Variants in NOX4 observed in about 807,000 individuals in gnomAD.
NOX4 encodes the protein kidney oxidase-1.
Under a neutral mutation model 87.6 loss-of-function variants are expected in NOX4, and 69 were observed. The ratio of observed to expected loss-of-function variants is 0.79; its 90% confidence interval spans 0.65 to 0.96. The LOEUF is 0.96. Among genes scored for constraint, NOX4 ranks in the 40% least tolerant of loss-of-function variants. The pLI is 0.00. For missense variants in NOX4, 680 were observed against 681.5 expected, an observed-to-expected ratio of 1.00 and a Z score of 0.02; for synonymous variants, 275 against 238.2, an observed-to-expected ratio of 1.15 and a Z score of -1.42.
chr11:89,534,368 C>T, the NOX4 span, among the ~76,000 whole-genome samples: 2 of 152,294 alleles, frequency 1.3e-5, no homozygotes, highest in East Asian at 3.9e-4. Flanking sequence ...TTCTGAGTCA[C>T]AATATTTTTT....
upstream of NOX4, among the ~76,000 whole-genome samples, chr11:89,493,052 A>AG (rs1946898770): frequency 6.6e-6 from 1 of 152,218 alleles, no homozygotes; most frequent in South Asian, 2.1e-4. Flanking sequence ...CCATTCTCAT[A>AG]GTAGCCCTCC....
At chr11:89,394,796 T>G (rs1467050631) in intron 11 of NOX4, among the ~76,000 whole-genome samples, 3 of 152,200 alleles carry the variant, frequency 2.0e-5, no homozygotes, top group Non-Finnish European at 4.4e-5. Flanking sequence ...AATGATGGTT[T>G]CCAGCTTCAT....
chr11:89,487,199 T>C (rs1946663480), intron 2 of NOX4, among the ~76,000 whole-genome samples: 1 of 152,170 alleles, frequency 6.6e-6, no homozygotes, highest in Non-Finnish European at 1.5e-5. Flanking sequence ...TTAAAAGGTA[T>C]TTCAGCGAGT....
chr11:89,491,210 C>T lies in NOX4; in HGVS notation c.37G>A (p.Gly13Arg), dbSNP rs1285754035. The change falls in exon 1 of 18, where the codon GGG becomes AGG. Residue 13 changes from glycine to arginine, a missense_variant. By Grantham distance (125) the Gly-to-Arg change is moderately radical. Transcript: ENST00000263317. ...CCTACCAGGCAGAGGTGTTTAACCC[C>T]TTCGTTGGCGAGCCAGCTCCTCCAG... is the stretch of plus-strand genomic sequence containing the variant. ...VSWRSWLANE[G>R]VKHLCLFIWL... 3 of 1,613,864 alleles carry T rather than the reference C, an allele frequency of 1.9e-6. No homozygotes were observed. Among genetic ancestry groups the T allele is most frequent in the African/African-American group, 2.7e-5 (2 of 75,062 alleles).
chr11:89,370,569 G>A (rs1191689705), intron 12 of NOX4, among the ~76,000 whole-genome samples: 2 of 152,024 alleles, frequency 1.3e-5, no homozygotes, highest in Non-Finnish European at 2.9e-5. Flanking sequence ...CCATATGTTT[G>A]AAACTGGAAA....
In NOX4 at chr11:89,400,335, T is replaced by C. The variant is rs1435105548; in HGVS notation, c.891A>G (p.Glu297=). 2 of 1,612,620 alleles carry C rather than the reference T, an allele frequency of 1.2e-6. No homozygotes were observed. The change falls in exon 10 of 18, where the codon GAA becomes GAG. Residue 297 remains glutamate (E), a synonymous_variant. Coordinates refer to ENST00000263317, the MANE Select transcript of NOX4 (RefSeq NM_016931.5). ...TGCTCCGGATATACCTGTAAAGTCT[T>C]TCGGCACAGTACAGGCACAAAGGTC... is the stretch of plus-strand genomic sequence containing the variant. ...ISGPLCLYCA[E]RLYRYIRSNK...
intron 11 of NOX4, among the ~76,000 whole-genome samples, chr11:89,377,810 G>T (rs1354820354): frequency 6.6e-6 from 1 of 151,980 alleles, no homozygotes; most frequent in Admixed American, 6.6e-5. Flanking sequence ...AATCATTTTT[G>T]TTGTCTTTAT....
chr11:89,407,042 T>C (rs1484263029), intron 8 of NOX4, among the ~76,000 whole-genome samples: 5 of 152,216 alleles, frequency 3.3e-5, no homozygotes, highest in Admixed American at 1.3e-4. Context: ...GAAGGGATCA[T>C]GTCTTATGCA....
At chr11:89,475,199 T>G (rs1946114359) in intron 2 of NOX4, among the ~76,000 whole-genome samples, 1 of 152,000 alleles carries the variant, frequency 6.6e-6, no homozygotes, top group Admixed American at 6.6e-5. Flanking sequence ...AAACTTGTAC[T>G]GAGGACATGC....
At chr11:89,438,360 T>G (rs370016973) in intron 6 of NOX4, among the ~76,000 whole-genome samples, 15 of 113,054 alleles carry the variant, frequency 1.3e-4, no homozygotes, top group African/African-American at 4.5e-4. Context: ...ATACTATATA[T>G]TATATAATAT....
At position 89,353,812 on chromosome 11, in the gene NOX4, G is replaced by A. The variant is rs140192570; in HGVS notation, c.1217+1150C>T. ...GCCACTGTAAGTAAAAATACAAATA[G>A]GCGTGCACCAATCCTTTTAGGCACA... On this transcript the variant is annotated intron_variant, in intron 13 of 17. Transcript: ENST00000263317. Among the ~76,000 whole-genome samples, 8 of 152,268 alleles carry A rather than the reference G, an allele frequency of 5.3e-5. No homozygotes were observed. In the East Asian group the frequency reaches 1.5e-3, roughly 29 times the overall value.
intron 13 of NOX4, among the ~76,000 whole-genome samples, chr11:89,342,590 T>C (rs535975337): frequency 8.5e-5 from 13 of 152,178 alleles, no homozygotes; most frequent in Non-Finnish European, 1.9e-4. Flanking sequence ...ATAAACATTT[T>C]TTCAATGGCT....
chr11:89,342,526 T>C lies in NOX4; in HGVS notation c.1218-333A>G, dbSNP rs563348633. On this transcript the variant is annotated intron_variant, in intron 13 of 17. Transcript: ENST00000263317. ...CTATATGTCTAATATAGTCATATAT[T>C]AGACTATATATGACTAAATTAAAGT... 4.6e-5 allele frequency among the ~76,000 whole-genome samples: 7 copies of C among 152,294 alleles called. No homozygotes were observed. In the East Asian group the frequency reaches 1.4e-3, roughly 29 times the overall value.
chr11:89,571,389 T>C, the NOX4 span, among the ~76,000 whole-genome samples: 1 of 151,902 alleles, frequency 6.6e-6, no homozygotes, highest in Non-Finnish European at 1.5e-5. Flanking sequence ...CTCCGCCTCC[T>C]GGGTTCAAGT....
chr11:89,438,530 ATTACACACT>A, intron 6 of NOX4, among the ~76,000 whole-genome samples: 4 of 93,086 alleles, frequency 4.3e-5, no homozygotes, highest in South Asian at 6.5e-4. Flanking sequence ...TATACTATAT[ATTACACACT>A]ATATATAATA....
chr11:89,432,154 G>C (rs1274815598), intron 7 of NOX4, among the ~76,000 whole-genome samples: 2 of 151,880 alleles, frequency 1.3e-5, no homozygotes, highest in Non-Finnish European at 2.9e-5. Flanking sequence ...TGAACAATGA[G>C]AACACTTGGA....
In NOX4 at chr11:89,337,498, T is replaced by C; in HGVS notation, c.1464A>G (p.Arg488=). The change falls in exon 16 of 18, where the codon AGA becomes AGG. Residue 488 remains arginine, a synonymous_variant. Transcript: ENST00000263317. ...MLHNKFWQEN[R]PDYVNIQLYL... ...ACAGCTGGATGTTGACATAGTCAGG[T>C]CTGTTCTCTTGCCAAAACTGAGAGG... The C allele has an allele frequency of 6.2e-7, 1 of 1,612,156 alleles. No individual in the cohort carries two copies. Among genetic ancestry groups the C allele is most frequent in the Non-Finnish European group, 8.5e-7 (1 of 1,178,714 alleles).
chr11:89,491,042 A>G, intron 1 of NOX4, 148 bp downstream of exon 1: 3 of 831,792 alleles, frequency 3.6e-6, no homozygotes, highest in Non-Finnish European at 6.0e-6. Flanking sequence ...GTTCATTGTT[A>G]TCTCCAGCAT....
the NOX4 span, among the ~76,000 whole-genome samples, chr11:89,544,115 G>T: frequency 6.6e-6 from 1 of 151,926 alleles, no homozygotes; most frequent in African/African-American, 2.4e-5. Flanking sequence ...AAAATTTCAG[G>T]CTCAGGCATG....
Sources: allele counts gnomAD v4.1 joint callset (sites outside exome capture counted in the v4.1 genomes callset), GRCh38; gene constraint gnomAD v4.1.1; transcripts MANE v1.5; gene names NCBI Gene and HGNC (gene_info 2026-07-23, HGNC 2026-07-21).